CREB5: variants seen among roughly 807,000 people sequenced by gnomAD.
CREB5 encodes the protein cAMP responsive element binding protein 5, also known as cyclic AMP-responsive element-binding protein 5.
Under a neutral mutation model 57.1 loss-of-function variants are expected in CREB5, and 19 were observed. The ratio of observed to expected loss-of-function variants is 0.33; its 90% CI spans 0.23 to 0.49. The LOEUF is 0.49. Ranked by LOEUF, CREB5 falls within the 20% of genes least tolerant of loss-of-function variation. CREB5 has a pLI of 0.99. For missense variants in CREB5, 579 were observed against 671.6 expected (o/e 0.86, Z 1.52); for synonymous variants, 238 against 238.3 (o/e 1.00, Z 0.01).
chr7:28,497,778 T>C (rs948253319), intron 3 of CREB5, among the ~76,000 whole-genome samples: 2 of 152,228 alleles, frequency 1.3e-5, no homozygotes, highest in African/African-American at 4.8e-5. Flanking sequence ...TTTTTAATTT[T>C]TTCTCCAGGA....
intron 1 of CREB5, among the ~76,000 whole-genome samples, chr7:28,440,365 G>A (rs1789136881): frequency 6.6e-6 from 1 of 152,086 alleles, no homozygotes; most frequent in Admixed American, 6.5e-5. Context: ...GCCTGTTTGA[G>A]AATAATTTGT....
chr7:28,352,918 G>C (rs958020353), intron 1 of CREB5, among the ~76,000 whole-genome samples: 1 of 152,190 alleles, frequency 6.6e-6, no homozygotes, highest in African/African-American at 2.4e-5. Context: ...GACTTTACAC[G>C]TGTTCTCATC....
intron 5 of CREB5, among the ~76,000 whole-genome samples, chr7:28,635,806 T>A (rs1465681827): frequency 6.6e-6 from 1 of 152,204 alleles, no homozygotes; most frequent in Non-Finnish European, 1.5e-5. Flanking sequence ...CCCAGCCACA[T>A]TTCAGATTGG....
intron 5 of CREB5, among the ~76,000 whole-genome samples, chr7:28,631,070 T>TACC (rs1020754657): frequency 1.3e-5 from 2 of 152,128 alleles, no homozygotes; most frequent in African/African-American, 4.8e-5. Flanking sequence ...CACTACAGGG[T>TACC]ACCACCAGTG....
intron 1 of CREB5, among the ~76,000 whole-genome samples, chr7:28,448,469 T>A (rs1020438088): frequency 2.0e-5 from 3 of 152,214 alleles, no homozygotes; most frequent in Non-Finnish European, 4.4e-5. Context: ...CAATGCAGGC[T>A]CTTGGTTCTC....
At chr7:28,728,281 C>T (rs1005474828) in intron 7 of CREB5, among the ~76,000 whole-genome samples, 3 of 152,154 alleles carry the variant, frequency 2.0e-5, no homozygotes, top group East Asian at 1.9e-4. Context: ...AGGCTACAAA[C>T]GGTTAATAAA....
At chr7:28,620,203 T>G (rs1207033081) in intron 5 of CREB5, among the ~76,000 whole-genome samples, 1 of 152,174 alleles carries the variant, frequency 6.6e-6, no homozygotes, top group South Asian at 2.1e-4. Flanking sequence ...CAAACCAAAC[T>G]TTTTAGAATT....
At chr7:28,797,231 A>G (rs1450356781) in intron 7 of CREB5, among the ~76,000 whole-genome samples, 2 of 152,204 alleles carry the variant, frequency 1.3e-5, no homozygotes, top group Admixed American at 6.5e-5. Flanking sequence ...TTTCTTGCTT[A>G]CATTAGATCC....
At chr7:28,589,357 A>G (rs992009344) in intron 5 of CREB5, among the ~76,000 whole-genome samples, 1 of 152,292 alleles carries the variant, frequency 6.6e-6, no homozygotes, top group African/African-American at 2.4e-5. Context: ...GATCGAGACC[A>G]TCCTGACTAA....
At chr7:28,770,185 A>G (rs1806244612) in intron 7 of CREB5, among the ~76,000 whole-genome samples, 1 of 152,206 alleles carries the variant, frequency 6.6e-6, no homozygotes. Context: ...AAGGGGAGAG[A>G]AGAGTGGAGT....
In CREB5 at chr7:28,530,372, A is replaced by G. The variant is rs117207403; in HGVS notation, c.291+22635A>G. ...GAGACCTAGGAAGGGGCCGTGGTCC[A>G]GCTGGACCCTAGTCGAGCTGCTCAG... On this transcript the variant is annotated intron_variant, in intron 4 of 10. Coordinates refer to ENST00000357727, the MANE Select transcript of CREB5 (RefSeq NM_182898.4). Among the ~76,000 whole-genome samples the G allele has an allele frequency of 8.8e-3, 1,345 of 152,322 alleles. 43 individuals carry two copies. The East Asian group carries it at 0.13, about 14-fold the overall frequency.
chr7:28,747,971 C>T (rs1052819446), intron 7 of CREB5, among the ~76,000 whole-genome samples: 3 of 152,166 alleles, frequency 2.0e-5, no homozygotes, highest in Non-Finnish European at 4.4e-5. Context: ...GTGGTGTCTC[C>T]ATTCCCATAG....
At chr7:28,577,175 TA>T (rs1795939120) in intron 5 of CREB5, among the ~76,000 whole-genome samples, 1 of 152,188 alleles carries the variant, frequency 6.6e-6, no homozygotes, top group African/African-American at 2.4e-5. Flanking sequence ...TTCCTTTACC[TA>T]CATATAAAGG....
intron 5 of CREB5, among the ~76,000 whole-genome samples, chr7:28,598,847 G>C (rs144443551): frequency 8.5e-4 from 129 of 152,242 alleles, no homozygotes; most frequent in African/African-American, 2.6e-3. Flanking sequence ...AAGTAAGGCA[G>C]AATTACTTCT....
intron 7 of CREB5, among the ~76,000 whole-genome samples, chr7:28,741,258 A>G (rs879477890): frequency 1.3e-5 from 2 of 152,184 alleles, no homozygotes; most frequent in Non-Finnish European, 2.9e-5. Flanking sequence ...GAAATGTCAG[A>G]GATGGTTACT....
intron 5 of CREB5, among the ~76,000 whole-genome samples, chr7:28,600,728 T>C (rs1003956972): frequency 6.6e-6 from 1 of 152,214 alleles, no homozygotes; most frequent in Non-Finnish European, 1.5e-5. Context: ...ATCCACATTG[T>C]GTCAAAGCCA....
chr7:28,456,240 AT>A (rs200369811), intron 1 of CREB5, among the ~76,000 whole-genome samples: 6 of 61,864 alleles, frequency 9.7e-5, no homozygotes, highest in African/African-American at 2.7e-4. Context: ...GAGAGGATTG[AT>A]TTTTCCCCCA....
At chr7:28,706,429 G>T (rs1391607783) in intron 5 of CREB5, among the ~76,000 whole-genome samples, 1 of 152,122 alleles carries the variant, frequency 6.6e-6, no homozygotes. Context: ...TATGTAGCAG[G>T]TGTATTTATG....
intron 1 of CREB5, among the ~76,000 whole-genome samples, chr7:28,445,144 C>T (rs1789382185): frequency 6.6e-6 from 1 of 152,160 alleles, no homozygotes; most frequent in Non-Finnish European, 1.5e-5. Context: ...CGTTCCTTTG[C>T]TCCTCCTTCA....
Sources: allele counts gnomAD v4.1 joint callset (sites outside exome capture counted in the v4.1 genomes callset), GRCh38; gene constraint gnomAD v4.1.1; transcripts MANE v1.5; gene names NCBI Gene and HGNC (gene_info 2026-07-23, HGNC 2026-07-21).